Variants in RASAL1 observed in about 807,000 individuals in gnomAD.
The protein encoded by RASAL1 is RAS protein activator like 1.
In RASAL1, 72 loss-of-function variants were observed where a neutral mutation model predicts 96.6. The ratio of observed to expected loss-of-function variants is 0.75; its 90% confidence interval spans 0.62 to 0.91. The LOEUF (loss-of-function observed/expected upper bound fraction) is 0.91. Among genes scored for constraint, RASAL1 ranks in the 40% least tolerant of loss-of-function variants. The pLI, the probability that RASAL1 is intolerant of heterozygous loss-of-function variation, is 0.00. For synonymous variants in RASAL1, 405 were observed against 430.4 expected, an observed-to-expected ratio of 0.94 and a Z score of 0.73; for missense variants, 1,016 against 1,072.5, an observed-to-expected ratio of 0.95 and a Z score of 0.74.
chr12:113,121,454 G>A, intron 5 of RASAL1, 55 bp downstream of exon 5: 1 of 1,606,354 alleles, frequency 6.2e-7, no homozygotes, highest in Non-Finnish European at 8.5e-7. Flanking sequence ...GGAGACCCAG[G>A]GGACTCCTGC....
intron 16 of RASAL1, 34 bp from the exon 17 acceptor site, chr12:113,104,332 G>A (rs1342627686): frequency 6.5e-7 from 1 of 1,536,142 alleles, no homozygotes; most frequent in Non-Finnish European, 8.8e-7. Context: ...AGGATGGGCT[G>A]GGGGCTAGGG....
In RASAL1 at chr12:113,129,393, G is replaced by A. The variant is rs942915461; in HGVS notation, c.123-1215C>T. On this transcript the variant is annotated intron_variant, in intron 2 of 20. Transcript: ENST00000548055. This position sits in a 1 kb window ranked among gnomAD's most constrained non-coding sequence, Gnocchi z 5.0. ...TGAAGGAATAGGAAGGTGCCTGGTG[G>A]GAATGGGGGAGGGAGAGGGGCCAGG... Among the ~76,000 whole-genome samples, 7 of 152,200 alleles carry A rather than the reference G, an allele frequency of 4.6e-5. No individual in the cohort carries two copies. Among genetic ancestry groups the A allele is most frequent in the Non-Finnish European group, 8.8e-5 (6 of 68,038 alleles).
chr12:113,125,273 A>G (rs1296376492), intron 4 of RASAL1, among the ~76,000 whole-genome samples: 2 of 152,176 alleles, frequency 1.3e-5, no homozygotes, highest in African/African-American at 4.8e-5. Context: ...AAATATAGAA[A>G]AAGAAATTTT....
Position 113,115,511 on chromosome 12 carries a change from C to A in RASAL1, c.1003+124G>T. 1 of 1,318,216 alleles carries A rather than the reference C, an allele frequency of 7.6e-7. No individual in the cohort carries two copies. The allele number at this position is 1,318,216 out of a possible 1,614,324, so 81.7% of individuals were successfully genotyped here. On this transcript the variant is annotated intron_variant, in intron 10 of 20. Coordinates refer to ENST00000548055, the MANE Select transcript of RASAL1 (RefSeq NM_001301202.2). This position sits in a 1 kb window ranked among gnomAD's most constrained non-coding sequence, Gnocchi z 4.1. ...CCCAACTGTCTGGAGGTGCACAGCA[C>A]AGGGACCCACAGAAAAAGGAGCCCT...
chr12:113,103,841 T>C (rs1372663386), intron 18 of RASAL1, 105 bp downstream of exon 18: 2 of 1,436,162 alleles, frequency 1.4e-6, no homozygotes, highest in African/African-American at 1.4e-5. Context: ...CATAGAGAGG[T>C]TGAGTAACTT....
At chr12:113,104,650 C>A (rs1202775302) in intron 16 of RASAL1, among the ~76,000 whole-genome samples, 1 of 152,042 alleles carries the variant, frequency 6.6e-6, no homozygotes, top group Non-Finnish European at 1.5e-5. Flanking sequence ...TACAGGCGTG[C>A]ACCACCGCTC....
intron 2 of RASAL1, among the ~76,000 whole-genome samples, chr12:113,128,698 C>T (rs1302343797): frequency 3.9e-5 from 6 of 152,060 alleles, no homozygotes; most frequent in Non-Finnish European, 5.9e-5. Context: ...CCAAGGAGGC[C>T]AGAGACAGAG....
intron 4 of RASAL1, among the ~76,000 whole-genome samples, chr12:113,123,664 A>G (rs376866610): frequency 2.9e-4 from 44 of 152,226 alleles, no homozygotes; most frequent in South Asian, 2.3e-3. Context: ...GCTCACTGCA[A>G]ACTCCACCTC....
chr12:113,135,607 G>C lies in RASAL1; in HGVS notation c.-145C>G, dbSNP rs1951884738. On this transcript the variant is annotated 5_prime_UTR_variant, in exon 1 of 21. Coordinates refer to ENST00000548055, the MANE Select transcript of RASAL1 (RefSeq NM_001301202.2). The surrounding 1 kb of genome is among the most constrained non-coding windows in gnomAD (Gnocchi z 5.7). ...TGTCCGAGACCCGGGTAGCTGGATG[G>C]GAGATTTCCGAAAGAGGAGAAGGTG... 1 of 681,748 alleles carries C rather than the reference G, an allele frequency of 1.5e-6. No homozygotes were observed. Among genetic ancestry groups the C allele is most frequent in the South Asian group, 1.8e-5 (1 of 55,720 alleles). The allele number at this position is 681,748 out of a possible 1,614,324, so 42.2% of individuals were successfully genotyped here.
intron 13 of RASAL1, among the ~76,000 whole-genome samples, chr12:113,111,748 C>T (rs139178103): frequency 6.0e-4 from 92 of 152,170 alleles, no homozygotes; most frequent in African/African-American, 2.0e-3. Context: ...TGTGAGCCAC[C>T]ATGCCCAGTT....
intron 4 of RASAL1, among the ~76,000 whole-genome samples, chr12:113,124,003 T>C (rs1167715580): frequency 6.6e-6 from 1 of 152,026 alleles, no homozygotes; most frequent in Non-Finnish European, 1.5e-5. Context: ...GCTGATCACC[T>C]GAGGTCAGGA....
intron 1 of RASAL1, among the ~76,000 whole-genome samples, chr12:113,134,859 G>C (rs1021165949): frequency 6.6e-6 from 1 of 152,164 alleles, no homozygotes; most frequent in African/African-American, 2.4e-5. Context: ...CAAGACTGGG[G>C]AGCTCAGGGC....
Position 113,115,807 on chromosome 12 carries a change from C to A in RASAL1, c.850-19G>T, listed in dbSNP as rs776144253. On this transcript the variant is annotated intron_variant, in intron 9 of 20. Transcript: ENST00000548055. The surrounding 1 kb of genome is among the most constrained non-coding windows in gnomAD (Gnocchi z 4.1). ...TGTCCTCCTGGGTGGGGGCGGGAGACAAAGATGACCTCGGCCCCTGGGACC... is the reference window on the plus strand; with the variant it reads ...TGTCCTCCTGGGTGGGGGCGGGAGAAAAAGATGACCTCGGCCCCTGGGACC... The A allele has an allele frequency of 2.5e-6, 4 of 1,613,390 alleles. No homozygotes were observed. Among genetic ancestry groups the A allele is most frequent in the East Asian group, 2.2e-5 (1 of 44,876 alleles).
intron 12 of RASAL1, among the ~76,000 whole-genome samples, chr12:113,113,295 T>C (rs1442946957): frequency 6.6e-6 from 1 of 152,096 alleles, no homozygotes; most frequent in Non-Finnish European, 1.5e-5. Flanking sequence ...CTTGATGGGG[T>C]AAGTAGCCTT....
At position 113,128,183 on chromosome 12, in the gene RASAL1, A is replaced by G; in HGVS notation, c.123-5T>C. 1 of 1,609,320 alleles carries G rather than the reference A, an allele frequency of 6.2e-7. No homozygotes were observed. Among genetic ancestry groups the G allele is most frequent in the Non-Finnish European group, 8.5e-7 (1 of 1,176,714 alleles). ...CTCCTCCAGACAGTAGCTGTCCTGC[A>G]AAAGGAGGTGCAGGGGGCTGGGGTC... On this transcript the variant is annotated splice_region_variant and splice_polypyrimidine_tract_variant and intron_variant, in intron 2 of 20. Transcript: ENST00000548055.
chr12:113,114,032 T>C (rs1462166775), intron 12 of RASAL1, among the ~76,000 whole-genome samples: 1 of 152,230 alleles, frequency 6.6e-6, no homozygotes, highest in Non-Finnish European at 1.5e-5. Flanking sequence ...GTGGAGCACA[T>C]GCATGACTCA....
intron 14 of RASAL1, 156 bp from the exon 15 acceptor site, chr12:113,107,397 C>T (rs980588071): frequency 3.4e-5 from 29 of 864,102 alleles, no homozygotes; most frequent in Admixed American, 2.0e-4. Flanking sequence ...CCGAAGTAAG[C>T]GGATCACTTG....
intron 4 of RASAL1, among the ~76,000 whole-genome samples, chr12:113,126,898 C>T (rs896271141): frequency 6.6e-6 from 1 of 150,576 alleles, no homozygotes; most frequent in Non-Finnish European, 1.5e-5. Flanking sequence ...GAACCTACAT[C>T]ACTGAGTCCA....
intron 1 of RASAL1, among the ~76,000 whole-genome samples, chr12:113,131,411 G>A (rs556549952): frequency 2.0e-4 from 30 of 152,206 alleles, no homozygotes; most frequent in Middle Eastern, 3.4e-3. Context: ...ATGCTGGGCC[G>A]GATCATGGTC....
Sources: allele counts gnomAD v4.1 joint callset (sites outside exome capture counted in the v4.1 genomes callset), GRCh38; gene constraint gnomAD v4.1.1; non-coding constraint Gnocchi (gnomAD v3.1); transcripts MANE v1.5; gene names NCBI Gene and HGNC (gene_info 2026-07-23, HGNC 2026-07-21).